ANGPTL4: variants seen among roughly 807,000 people sequenced by gnomAD.
The protein encoded by ANGPTL4 is angiopoietin-related protein 4.
Under a neutral mutation model 39.2 loss-of-function variants are expected in ANGPTL4, and 39 were observed. That is an observed-to-expected ratio of 1.00 (90% CI 0.77 to 1.30). The LOEUF is 1.30. Ranked by LOEUF, ANGPTL4 falls within the 50% of genes most tolerant of loss-of-function variation. The probability of loss-of-function intolerance (pLI) is 0.00; values close to 1 mark genes in which losing one functional copy is unlikely to be tolerated. For synonymous variants in ANGPTL4, 233 were observed against 229.5 expected, an observed-to-expected ratio of 1.02 and a Z score of -0.14; for missense variants, 545 against 549.8, an observed-to-expected ratio of 0.99 and a Z score of 0.09.
intron 6 of ANGPTL4, among the ~76,000 whole-genome samples, chr19:8,372,429 T>C (rs1007304051): frequency 1.4e-5 from 2 of 142,822 alleles, no homozygotes; most frequent in African/African-American, 5.2e-5. Context: ...GGTCTCACTC[T>C]GTTGCCTAAG....
In ANGPTL4 at chr19:8,366,226, C is replaced by T; in HGVS notation, c.454C>T (p.Leu152=). The change falls in exon 3 of 7, where the codon CTA becomes TTA. Residue 152 remains leucine, a synonymous_variant. Transcript: ENST00000301455. ...SQFGLLDHKH[L]DHEVAKPARR... ...GTTTGGCCTCCTGGACCACAAGCAC[C>T]TAGACCATGAGGTGGCCAAGCCTGC... 2 of 1,614,152 alleles carry T rather than the reference C, an allele frequency of 1.2e-6. No individual in the cohort carries two copies. The highest frequency in any genetic ancestry group is 1.7e-6 in the Non-Finnish European group (2 of 1,180,032).
intron 3 of ANGPTL4, 76 bp from the exon 4 acceptor site, chr19:8,369,143 C>A: frequency 8.4e-7 from 1 of 1,186,986 alleles, no homozygotes; most frequent in East Asian, 2.4e-5. Flanking sequence ...TGTTAAGCCC[C>A]CAGATATGCC....
Position 8,369,225 on chromosome 19 carries a change from C to G in ANGPTL4, c.554C>G (p.Pro185Arg), listed in dbSNP as rs1187236898. The G allele has an allele frequency of 6.2e-7, 1 of 1,610,534 alleles. No homozygotes were observed. The highest frequency in any genetic ancestry group is 2.2e-5 in the East Asian group (1 of 44,846). Residue 185 changes from proline to arginine, a missense_variant, in exon 4 of 7, where the codon CCC becomes CGC. Transcript: ENST00000301455. ...AHNVSRLHRL[P>R]RDCQELFQVG... ...CCACTTTATCTCCCTTCAGGGCTGCCCAGGGATTGCCAGGAGCTGTTCCAG... is the reference window on the plus strand; with the variant it reads ...CCACTTTATCTCCCTTCAGGGCTGCGCAGGGATTGCCAGGAGCTGTTCCAG...
chr19:8,366,485 T>A (rs1485376577), intron 3 of ANGPTL4, among the ~76,000 whole-genome samples, 166 bp downstream of exon 3: 2 of 152,020 alleles, frequency 1.3e-5, no homozygotes, highest in African/African-American at 4.8e-5. Context: ...ACCTCCTTCC[T>A]CAGCCCTGAC....
Position 8,364,789 on chromosome 19 carries a change from C to T in ANGPTL4, c.318+150C>T, listed in dbSNP as rs1277000726. On this transcript the variant is annotated intron_variant, in intron 1 of 6. Transcript: ENST00000301455. ...GGGATGGGCTCCCCCCTTAGGAAGC[C>T]GAGGAGGGAGGTTCGCTCAAGGCCA... 3 of 1,038,918 alleles carry T rather than the reference C, an allele frequency of 2.9e-6. No individual in the cohort carries two copies. The East Asian group carries it at 7.8e-5, about 27-fold the overall frequency. 64.4% of individuals were successfully genotyped at this position (1,038,918 alleles called of 1,614,324 possible). A position where few individuals can be genotyped will look rare whatever the true frequency, so the allele number is the denominator to read the frequency against.
At position 8,373,973 on chromosome 19, in the gene ANGPTL4, G is replaced by GGAAC; in HGVS notation, c.*88_*89insAACG. ...ATGTGGCCGTTCCCTGCCTGGGCAG[G>GGAAC]GGCTCCAAGGAGGGGCCATCTGGAA... On this transcript the variant is annotated 3_prime_UTR_variant, in exon 7 of 7. Coordinates refer to ENST00000301455, the MANE Select transcript of ANGPTL4 (RefSeq NM_139314.3). 1.3e-6 allele frequency: 2 copies of GGAAC among 1,482,288 alleles called. No homozygotes were observed. The highest frequency in any genetic ancestry group is 1.9e-6 in the Non-Finnish European group (2 of 1,073,534). The allele number at this position is 1,482,288 out of a possible 1,614,324, so 91.8% of individuals were successfully genotyped here.
At position 8,373,847 on chromosome 19, in the gene ANGPTL4, C is replaced by T; in HGVS notation, c.1182C>T (p.Thr394=). The change falls in exon 7 of 7, where the codon ACC becomes ACT. Residue 394 remains threonine (T), a synonymous_variant. Coordinates refer to ENST00000301455, the MANE Select transcript of ANGPTL4 (RefSeq NM_139314.3). The part of the protein sequence containing the change: ...RGRYYPLQAT[T]MLIQPMAAEA... ...GCTACTACCCGCTGCAGGCCACCAC[C>T]ATGTTGATCCAGCCCATGGCAGCAG... 6.2e-7 allele frequency: 1 copy of T among 1,613,784 alleles called. No individual in the cohort carries two copies. Among genetic ancestry groups the T allele is most frequent in the African/African-American group, 1.3e-5 (1 of 75,066 alleles).
intron 4 of ANGPTL4, among the ~76,000 whole-genome samples, chr19:8,369,914 A>T (rs567701211): frequency 4.0e-5 from 6 of 149,452 alleles, no homozygotes; most frequent in Admixed American, 2.0e-4. Flanking sequence ...TTGTAAAAGT[A>T]AAAAAAAAGG....
Position 8,371,860 on chromosome 19 carries a change from C to T in ANGPTL4, c.1039+338C>T, listed in dbSNP as rs1971128232. On this transcript the variant is annotated intron_variant, in intron 6 of 6. Transcript: ENST00000301455. This position sits in a 1 kb window ranked among gnomAD's most constrained non-coding sequence, Gnocchi z 5.1. ...GCAAGCTCCACCTCCTGAGTTCACA[C>T]CATTCTCCTGCCTCAGCCTCCCGAG... Among the ~76,000 whole-genome samples, 1 of 151,988 alleles carries T rather than the reference C, an allele frequency of 6.6e-6. No individual in the cohort carries two copies. The highest frequency in any genetic ancestry group is 1.5e-5 in the Non-Finnish European group (1 of 67,978).
At chr19:8,369,172 C>A (rs781518361) in intron 3 of ANGPTL4, 47 bp from the exon 4 acceptor site, 5 of 1,528,366 alleles carry the variant, frequency 3.3e-6, no homozygotes, top group Non-Finnish European at 4.5e-6. Context: ...GAGACCCCCC[C>A]CAGGGGCTGC....
intron 4 of ANGPTL4, among the ~76,000 whole-genome samples, chr19:8,370,701 A>T (rs374371487): frequency 6.8e-4 from 60 of 88,174 alleles, no homozygotes; most frequent in South Asian, 2.0e-3. Flanking sequence ...CTCCATCTCT[A>T]AAAAAAAAAA....
In ANGPTL4 at chr19:8,369,213, C is replaced by T. The variant is rs200977507; in HGVS notation, c.548-6C>T. 2.2e-4 allele frequency: 356 copies of T among 1,608,162 alleles called. 1 individual carries two copies. The African/African-American group carries it at 2.3e-3, about 10-fold the overall frequency. ...TGTTTCAAGTCTCCACTTTATCTCC[C>T]TTCAGGGCTGCCCAGGGATTGCCAG... On this transcript the variant is annotated splice_region_variant and splice_polypyrimidine_tract_variant and intron_variant, in intron 3 of 6. Coordinates refer to ENST00000301455, the MANE Select transcript of ANGPTL4 (RefSeq NM_139314.3).
At chr19:8,369,906 G>A (rs1402450618) in intron 4 of ANGPTL4, among the ~76,000 whole-genome samples, 2 of 151,432 alleles carry the variant, frequency 1.3e-5, no homozygotes, top group Non-Finnish European at 2.9e-5. Context: ...AAAAAATTTT[G>A]TAAAAGTAAA....
intron 3 of ANGPTL4, 79 bp from the exon 4 acceptor site, chr19:8,369,140 C>A: frequency 1.8e-6 from 2 of 1,130,434 alleles, no homozygotes; most frequent in Non-Finnish European, 2.6e-6. Context: ...CACTGTTAAG[C>A]CCCCAGATAT....
intron 6 of ANGPTL4, among the ~76,000 whole-genome samples, chr19:8,372,882 G>GT (rs1174730986): frequency 2.6e-5 from 4 of 152,076 alleles, no homozygotes; most frequent in African/African-American, 9.7e-5. Context: ...ACTTGAGCCC[G>GT]TAAGGTTGAC....
chr19:8,364,259 C>A lies in ANGPTL4; in HGVS notation c.-63C>A. ...CCCGGTCCTCCGCGTCTCCAGTCCT[C>A]GCACCTGGAACCCCAACGTCCCCGA... is the stretch of plus-strand genomic sequence containing the variant. On this transcript the variant is annotated 5_prime_UTR_variant, in exon 1 of 7. Transcript: ENST00000301455. 1 of 1,488,534 alleles carries A rather than the reference C, an allele frequency of 6.7e-7. No homozygotes were observed. The highest frequency in any genetic ancestry group is 9.0e-7 in the Non-Finnish European group (1 of 1,114,860). The allele number at this position is 1,488,534 out of a possible 1,614,324, so 92.2% of individuals were successfully genotyped here. A position where few individuals can be genotyped will look rare whatever the true frequency, so the allele number is the denominator to read the frequency against.
Position 8,371,621 on chromosome 19 carries a change from GC to G in ANGPTL4, c.1039+104del. ...CAACCCCACATTGCATCTGTTTCCT[GC>G]CCCCACCTCTTCCTTACATGCCGTG... On this transcript the variant is annotated intron_variant, in intron 6 of 6. Coordinates refer to ENST00000301455, the MANE Select transcript of ANGPTL4 (RefSeq NM_139314.3). This position sits in a 1 kb window ranked among gnomAD's most constrained non-coding sequence, Gnocchi z 5.1. The G allele has an allele frequency of 6.6e-7, 1 of 1,519,428 alleles. No homozygotes were observed. 94.1% of individuals were successfully genotyped at this position (1,519,428 alleles called of 1,614,324 possible).
intron 4 of ANGPTL4, among the ~76,000 whole-genome samples, chr19:8,370,591 T>A (rs1345731755): frequency 6.6e-6 from 1 of 151,456 alleles, no homozygotes; most frequent in Non-Finnish European, 1.5e-5. Flanking sequence ...TTCCAGCTGC[T>A]TGTGGGGCTG....
rs1296289658 is a variant in ANGPTL4, at chr19:8,371,505, G to A, written c.1022G>A (p.Cys341Tyr). 1 of 1,612,992 alleles carries A rather than the reference G, an allele frequency of 6.2e-7. No homozygotes were observed. The highest frequency in any genetic ancestry group is 1.1e-5 in the South Asian group (1 of 91,080). The change falls in exon 6 of 7, where the codon TGC (cysteine) becomes TAC (tyrosine). Residue 341 changes from cysteine to tyrosine, a missense_variant. By Grantham distance (194) the Cys-to-Tyr change is radical. Transcript: ENST00000301455. The surrounding 1 kb of genome is among the most constrained non-coding windows in gnomAD (Gnocchi z 5.1). ...QDHDLRRDKN[C>Y]AKSLSGGWWF... ...CACGACCTCCGCAGGGACAAGAACT[G>A]CGCCAAGAGCCTCTCTGGTGAGCAG...
Sources: allele counts gnomAD v4.1 joint callset (sites outside exome capture counted in the v4.1 genomes callset), GRCh38; gene constraint gnomAD v4.1.1; non-coding constraint Gnocchi (gnomAD v3.1); transcripts MANE v1.5; gene names NCBI Gene and HGNC (gene_info 2026-07-23, HGNC 2026-07-21).